The following SULF2 variants were observed in gnomAD, a reference collection of about 807,000 sequenced individuals.
The protein encoded by SULF2 is sulfatase 2, also known as extracellular sulfatase Sulf-2.
A neutral mutation model predicts 107.7 loss-of-function variants in SULF2; 52 were observed. The ratio of observed to expected loss-of-function variants is 0.48; its 90% CI spans 0.39 to 0.61. The LOEUF is 0.61. SULF2 is among the 20% of genes least tolerant of loss of function. The pLI is 0.00. For missense variants in SULF2, 993 were observed against 1,177.3 expected (o/e 0.84, Z 2.29); for synonymous variants, 460 against 464.3 (o/e 0.99, Z 0.12).
intron 3 of SULF2, among the ~76,000 whole-genome samples, chr20:47,708,572 C>T (rs1231696316): frequency 6.6e-6 from 1 of 152,138 alleles, no homozygotes; most frequent in African/African-American, 2.4e-5. Context: ...ATTTAAGAAG[C>T]ACAGATTTTC....
intron 3 of SULF2, among the ~76,000 whole-genome samples, chr20:47,717,655 G>T (rs879534902): frequency 2.5e-4 from 38 of 152,106 alleles, no homozygotes; most frequent in Non-Finnish European, 5.3e-4. Flanking sequence ...TTCCCATGCT[G>T]CATCCTCCCA....
At chr20:47,665,089 A>C (rs2146404034) in intron 14 of SULF2, 110 bp downstream of exon 14, 1 of 769,018 alleles carries the variant, frequency 1.3e-6, no homozygotes, top group Non-Finnish European at 2.3e-6. Context: ...ATGAGGGGAG[A>C]AGATAAAGAT....
At chr20:47,665,350 T>G in intron 13 of SULF2, 57 bp from the exon 14 acceptor site, 1 of 1,188,302 alleles carries the variant, frequency 8.4e-7, no homozygotes, top group South Asian at 1.2e-5. Context: ...CAACAAAGAC[T>G]TGGCCTGGTG....
At chr20:47,723,077 CAAAACAA>C (rs1254843677) in intron 3 of SULF2, among the ~76,000 whole-genome samples, 1 of 151,130 alleles carries the variant, frequency 6.6e-6, no homozygotes, top group African/African-American at 2.4e-5. Context: ...AAAAAAAAAC[CAAAACAA>C]AAAACGAAAA....
intron 3 of SULF2, among the ~76,000 whole-genome samples, chr20:47,716,317 C>T (rs1270274154): frequency 6.6e-6 from 1 of 152,136 alleles, no homozygotes; most frequent in Middle Eastern, 3.2e-3. Context: ...CCAGCCTGGC[C>T]AATGTGGTGA....
intron 1 of SULF2, among the ~76,000 whole-genome samples, chr20:47,779,964 C>A (rs946737148): frequency 6.6e-6 from 1 of 151,524 alleles, no homozygotes; most frequent in Admixed American, 6.6e-5. Flanking sequence ...CTGTATTTCT[C>A]ATCTCTGACG....
At chr20:47,719,250 A>C (rs6066445) in intron 3 of SULF2, among the ~76,000 whole-genome samples, 103,682 of 152,064 alleles carry the variant, frequency 0.68, 36,252 homozygotes, top group Middle Eastern at 0.86. Flanking sequence ...ATCACAGTTT[A>C]TAAAATATTT....
chr20:47,779,903 A>T (rs1232758882), intron 1 of SULF2, among the ~76,000 whole-genome samples: 3 of 152,088 alleles, frequency 2.0e-5, no homozygotes, highest in African/African-American at 7.2e-5. Flanking sequence ...CACCGCGTCC[A>T]GACAGTTATC....
At chr20:47,745,442 TATATATATATATATACACATAC>T (rs1472599973) in intron 2 of SULF2, among the ~76,000 whole-genome samples, 601 of 12,982 alleles carry the variant, frequency 0.046, 36 homozygotes, top group African/African-American at 0.11. Flanking sequence ...TATATATATA[TATATATATATATATACACATAC>T]ACACACACTT....
chr20:47,773,987 G>C (rs1315060362), intron 1 of SULF2, among the ~76,000 whole-genome samples: 1 of 152,222 alleles, frequency 6.6e-6, no homozygotes, highest in African/African-American at 2.4e-5. Context: ...CCAATCCACA[G>C]GCGAGCGTGC....
chr20:47,771,048 C>T (rs1277731261), intron 1 of SULF2, among the ~76,000 whole-genome samples: 2 of 152,172 alleles, frequency 1.3e-5, no homozygotes, highest in East Asian at 1.9e-4. Context: ...GTGGCCATCC[C>T]GTAAAACAGT....
At chr20:47,751,180 A>G (rs532451982) in intron 2 of SULF2, among the ~76,000 whole-genome samples, 1 of 152,340 alleles carries the variant, frequency 6.6e-6, no homozygotes, top group East Asian at 1.9e-4. Flanking sequence ...AGTCTGGTCC[A>G]CAGTTTGAGC....
rs1209863606 is a variant in SULF2, at chr20:47,745,456, T to C, written c.176-8514A>G. Among the ~76,000 whole-genome samples the C allele has an allele frequency of 3.7e-3, 57 of 15,488 alleles. 2 individuals carry two copies. The highest frequency in any genetic ancestry group is 9.2e-3 in the Admixed American group (10 of 1,084). The allele number at this position is 15,488 out of a possible 152,430, so 10.2% of individuals were successfully genotyped here. Reference sequence around the variant, plus strand: ...ATATATATATATATATATATATATATACACATACACACACACTTTTTTAGT... The same window carrying C: ...ATATATATATATATATATATATATACACACATACACACACACTTTTTTAGT... On this transcript the variant is annotated intron_variant, in intron 2 of 20. Transcript: ENST00000688720.
chr20:47,775,625 T>TG (rs1201532917), intron 1 of SULF2, among the ~76,000 whole-genome samples: 1 of 152,154 alleles, frequency 6.6e-6, no homozygotes, highest in African/African-American at 2.4e-5. Flanking sequence ...AATGAACACT[T>TG]GGAGGAGAAC....
intron 4 of SULF2, among the ~76,000 whole-genome samples, chr20:47,690,674 A>C (rs1335417085): frequency 6.6e-6 from 1 of 152,150 alleles, no homozygotes; most frequent in Non-Finnish European, 1.5e-5. Flanking sequence ...GTTTGAGACC[A>C]GCCTGGCCAA....
chr20:47,717,876 C>T (rs1347306236), intron 3 of SULF2, among the ~76,000 whole-genome samples: 3 of 148,672 alleles, frequency 2.0e-5, no homozygotes, highest in Admixed American at 6.8e-5. Flanking sequence ...TTCAGTGCTG[C>T]GATCTCGGCT....
chr20:47,716,942 C>T (rs999351715), intron 3 of SULF2, among the ~76,000 whole-genome samples: 20 of 151,990 alleles, frequency 1.3e-4, no homozygotes, highest in East Asian at 1.2e-3. Context: ...CCCAGGAGTT[C>T]GAGGCTGCAA....
At chr20:47,784,400 AG>A in intron 1 of SULF2, among the ~76,000 whole-genome samples, 1 of 111,944 alleles carries the variant, frequency 8.9e-6, no homozygotes, top group Admixed American at 9.2e-5. Context: ...TTCAAGGGGG[AG>A]GAGGAGGAGG....
intron 7 of SULF2, among the ~76,000 whole-genome samples, chr20:47,679,456 C>A (rs1390791639): frequency 6.6e-6 from 1 of 152,158 alleles, no homozygotes; most frequent in Non-Finnish European, 1.5e-5. Context: ...GCTGTCACTC[C>A]CGTGGTTGTG....
Sources: gnomAD v4.1 joint callset for allele counts (sites outside exome capture counted in the v4.1 genomes callset) on GRCh38, gnomAD v4.1.1 for gene constraint, MANE v1.5 for transcripts, NCBI Gene and HGNC (gene_info 2026-07-23, HGNC 2026-07-21) for gene names.